Variants in MACROD2 observed in about 807,000 individuals in gnomAD.
MACROD2 encodes mono-ADP ribosylhydrolase 2, also known as ADP-ribose glycohydrolase MACROD2.
A neutral mutation model predicts 70.4 loss-of-function variants in MACROD2; 36 were observed. The observed-to-expected ratio is 0.51, with a 90% CI of 0.39 to 0.68. The LOEUF is 0.68. Among genes scored for constraint, MACROD2 ranks in the 30% least tolerant of loss-of-function variants. The probability of loss-of-function intolerance (pLI) is 0.00; values close to 1 mark genes in which losing one functional copy is unlikely to be tolerated. For synonymous variants in MACROD2, 172 were observed against 178.8 expected (o/e 0.96, Z 0.30); for missense variants, 496 against 538.4 (o/e 0.92, Z 0.78).
At position 14,744,509 on chromosome 20, in the gene MACROD2, C is replaced by T. The variant is rs572800255; in HGVS notation, c.418+59550C>T. Among the ~76,000 whole-genome samples the T allele has an allele frequency of 2.6e-5, 4 of 151,880 alleles. No homozygotes were observed. In the South Asian group the frequency reaches 6.3e-4, roughly 24 times the overall value. On this transcript the variant is annotated intron_variant, in intron 5 of 17. Coordinates refer to ENST00000684519, the MANE Select transcript of MACROD2 (RefSeq NM_001351661.2). The stretch of plus-strand genomic sequence containing the variant: ...TTAGCTTTTTTTCAAGTATTTACAT[C>T]TATATTAAGTGAATTTAACTTTAAA...
chr20:14,342,304 A>G (rs1297530110), intron 3 of MACROD2, among the ~76,000 whole-genome samples: 10 of 152,204 alleles, frequency 6.6e-5, no homozygotes, highest in Non-Finnish European at 1.5e-5. Context: ...AAACTTGGGC[A>G]TATTTTATAC....
chr20:14,890,448 A>C (rs2073740316), intron 5 of MACROD2, among the ~76,000 whole-genome samples: 1 of 152,058 alleles, frequency 6.6e-6, no homozygotes, highest in South Asian at 2.1e-4. Context: ...TACTTTGATG[A>C]GGGGGAGAGC....
intron 2 of MACROD2, among the ~76,000 whole-genome samples, chr20:14,048,557 C>T (rs1407378319): frequency 2.0e-5 from 3 of 152,098 alleles, no homozygotes; most frequent in East Asian, 1.9e-4. Context: ...AGTATTACGA[C>T]CCTAAAGTTC....
At chr20:15,269,888 A>G (rs1397028009) in intron 6 of MACROD2, among the ~76,000 whole-genome samples, 2 of 152,134 alleles carry the variant, frequency 1.3e-5, no homozygotes, top group East Asian at 1.9e-4. Context: ...AATTAATTCA[A>G]TATTTATTTG....
chr20:16,052,005 G>C lies in MACROD2; in HGVS notation c.*2129G>C, dbSNP rs141199643. ...TTATTCATTTATTTCAAATGTGGGT[G>C]GGCTAGAAGTGGAAGGAGGGAATTC... On this transcript the variant is annotated 3_prime_UTR_variant, in exon 18 of 18. Transcript: ENST00000684519. 2.0e-4 allele frequency: 31 copies of C among 152,232 alleles called. No individual in the cohort carries two copies. The highest frequency in any genetic ancestry group is 7.2e-4 in the African/African-American group (30 of 41,546). The allele number at this position is 152,232 out of a possible 1,614,324, so 9.4% of individuals were successfully genotyped here. A position where few individuals can be genotyped will look rare whatever the true frequency, so the allele number is the denominator to read the frequency against.
intron 8 of MACROD2, among the ~76,000 whole-genome samples, chr20:15,773,752 A>C (rs185569192): frequency 3.3e-5 from 5 of 152,152 alleles, no homozygotes; most frequent in African/African-American, 1.2e-4. Flanking sequence ...TGCTAGCTAC[A>C]TCCCTCAAAT....
In MACROD2 at chr20:15,834,972, T is replaced by A. The variant is rs1215561330; in HGVS notation, c.646-27773T>A. 3.9e-5 allele frequency among the ~76,000 whole-genome samples: 6 copies of A among 152,150 alleles called. No homozygotes were observed. In the East Asian group the frequency reaches 9.7e-4, roughly 24 times the overall value. On this transcript the variant is annotated intron_variant, in intron 8 of 17. Coordinates refer to ENST00000684519, the MANE Select transcript of MACROD2 (RefSeq NM_001351661.2). ...TTGAGGCTAAGTTATAAAAGGCTTT[T>A]GCAGCTTCTGGCTGGTCTTGTGTAC...
chr20:15,747,510 C>A (rs759659609), intron 8 of MACROD2, among the ~76,000 whole-genome samples: 6 of 152,164 alleles, frequency 3.9e-5, no homozygotes, highest in Non-Finnish European at 7.4e-5. Flanking sequence ...CCTGGATGAA[C>A]CCAGTAGTAA....
intron 8 of MACROD2, among the ~76,000 whole-genome samples, chr20:15,746,471 A>G (rs186138843): frequency 4.0e-5 from 6 of 150,888 alleles, no homozygotes; most frequent in African/African-American, 7.3e-5. Flanking sequence ...TCCAGTTCCA[A>G]TTCTATTACC....
chr20:14,182,756 C>T (rs2081314825), intron 3 of MACROD2, among the ~76,000 whole-genome samples: 1 of 151,528 alleles, frequency 6.6e-6, no homozygotes. Context: ...TTTTTTTCTC[C>T]CGGGTCACTT....
chr20:14,808,091 G>T (rs1001376199), intron 5 of MACROD2, among the ~76,000 whole-genome samples: 5 of 152,002 alleles, frequency 3.3e-5, no homozygotes, highest in African/African-American at 1.2e-4. Flanking sequence ...GAAATACAGA[G>T]AACATTGCAA....
intron 5 of MACROD2, among the ~76,000 whole-genome samples, chr20:14,751,520 G>A (rs1343917974): frequency 6.6e-6 from 1 of 152,096 alleles, no homozygotes; most frequent in Non-Finnish European, 1.5e-5. Flanking sequence ...CTATTGTCCA[G>A]ATGATGTTGC....
chr20:15,914,773 C>G (rs927340516), intron 10 of MACROD2, among the ~76,000 whole-genome samples: 8 of 152,170 alleles, frequency 5.3e-5, no homozygotes, highest in African/African-American at 9.7e-5. Flanking sequence ...AGACTCCCCC[C>G]ACTTCAAGAT....
chr20:15,214,608 C>A (rs1319601099), intron 5 of MACROD2, among the ~76,000 whole-genome samples: 1 of 152,146 alleles, frequency 6.6e-6, no homozygotes, highest in Non-Finnish European at 1.5e-5. Context: ...TTGATTTAAT[C>A]TTGTGAAAAC....
chr20:14,166,232 G>T (rs2055267501), intron 3 of MACROD2, among the ~76,000 whole-genome samples: 1 of 152,008 alleles, frequency 6.6e-6, no homozygotes, highest in Non-Finnish European at 1.5e-5. Flanking sequence ...GGGATATATG[G>T]ATTATAGGAA....
chr20:15,619,642 G>A (rs1026773289), intron 8 of MACROD2: 2 of 401,368 alleles, frequency 5.0e-6, no homozygotes, highest in Non-Finnish European at 8.9e-6. Context: ...GTAGTCTCCT[G>A]AGGCAAAGTA....
At chr20:14,382,524 G>A (rs890713129) in intron 3 of MACROD2, among the ~76,000 whole-genome samples, 11 of 151,650 alleles carry the variant, frequency 7.3e-5, no homozygotes, top group South Asian at 6.3e-4. Flanking sequence ...CAAAATTAGC[G>A]GGGCGTGGTG....
At chr20:15,813,623 T>C (rs929420635) in intron 8 of MACROD2, among the ~76,000 whole-genome samples, 1 of 152,100 alleles carries the variant, frequency 6.6e-6, no homozygotes, top group East Asian at 1.9e-4. Flanking sequence ...ATAAAAAATA[T>C]TAAAAATTAG....
intron 6 of MACROD2, among the ~76,000 whole-genome samples, chr20:15,270,633 C>A (rs774595830): frequency 6.6e-6 from 1 of 152,118 alleles, no homozygotes; most frequent in Non-Finnish European, 1.5e-5. Flanking sequence ...TAAAAAAATA[C>A]CTTTTGGGCA....
Sources: allele counts gnomAD v4.1 joint callset (sites outside exome capture counted in the v4.1 genomes callset), GRCh38; gene constraint gnomAD v4.1.1; transcripts MANE v1.5; gene names NCBI Gene and HGNC (gene_info 2026-07-23, HGNC 2026-07-21).